MET: variants seen among roughly 807,000 people sequenced by gnomAD.
MET encodes MET proto-oncogene, receptor tyrosine kinase, also known as hepatocyte growth factor receptor.
MET carries 48 observed loss-of-function variants against 133.1 expected under a neutral mutation model. That is an observed-to-expected ratio of 0.36 (90% CI 0.29 to 0.46). The LOEUF (loss-of-function observed/expected upper bound fraction) is 0.46. MET is among the 20% of genes least tolerant of loss of function. The pLI, the probability that MET is intolerant of heterozygous loss-of-function variation, is 1.00. For synonymous variants in MET, 628 were observed against 616.5 expected, an observed-to-expected ratio of 1.02 and a Z score of -0.28; for missense variants, 1,442 against 1,695.9, an observed-to-expected ratio of 0.85 and a Z score of 2.63.
At chr7:116,793,209 C>G (rs1232245105) in intron 19 of MET, among the ~76,000 whole-genome samples, 1 of 150,234 alleles carries the variant, frequency 6.7e-6, no homozygotes, top group Non-Finnish European at 1.5e-5. Context: ...GAGTCTCACT[C>G]TATCGCCCAA....
chr7:116,693,404 G>A (rs1406889695), intron 1 of MET, among the ~76,000 whole-genome samples: 2 of 152,198 alleles, frequency 1.3e-5, no homozygotes. Flanking sequence ...GGGAAGAGAT[G>A]CACATAGTAG....
At position 116,796,008 on chromosome 7, in the gene MET, A is replaced by C. The variant is rs374383028; in HGVS notation, c.4057A>C (p.Asn1353His). The C allele has an allele frequency of 6.2e-7, 1 of 1,613,956 alleles. No individual in the cohort carries two copies. The highest frequency in any genetic ancestry group is 1.7e-5 in the Admixed American group (1 of 60,008). Reference sequence around the variant, plus strand: ...CATTGGGGAGCACTATGTCCATGTGAACGCTACTTATGTGAACGTAAAATG... The same window carrying C: ...CATTGGGGAGCACTATGTCCATGTGCACGCTACTTATGTGAACGTAAAATG... Reference protein sequence around the residue: ...TFIGEHYVHVNATYVNVKCVA... With the variant: ...TFIGEHYVHVHATYVNVKCVA... Residue 1353 changes from asparagine (N) to histidine (H), a missense_variant, in exon 21 of 21, where the codon AAC becomes CAC. Asn to His is a moderately conservative substitution (Grantham distance 68). Transcript: ENST00000397752.
rs181877385 is a variant in MET, at chr7:116,762,267, A to G, written c.2365-783A>G. ...TGGGAGTGAAGACACTGAATTTTGG[A>G]GTTAATGGCCTAGGATTTATATTCG... On this transcript the variant is annotated intron_variant, in intron 10 of 20. Coordinates refer to ENST00000397752, the MANE Select transcript of MET (RefSeq NM_000245.4). Among the ~76,000 whole-genome samples the G allele has an allele frequency of 3.3e-5, 5 of 152,322 alleles. No homozygotes were observed. The East Asian group carries it at 9.7e-4, about 29-fold the overall frequency.
intron 18 of MET, among the ~76,000 whole-genome samples, chr7:116,783,083 T>C (rs1419596550): frequency 1.3e-5 from 2 of 152,334 alleles, no homozygotes; most frequent in African/African-American, 2.4e-5. Context: ...CAATTCATGA[T>C]CTCTTTCCTC....
chr7:116,764,828 C>A (rs891473588), intron 11 of MET, among the ~76,000 whole-genome samples: 5 of 152,098 alleles, frequency 3.3e-5, no homozygotes, highest in African/African-American at 1.2e-4. Flanking sequence ...TGCCACGTGA[C>A]AGAATAGTAA....
Position 116,699,360 on chromosome 7 carries a change from C to A in MET, c.276C>A (p.His92Gln), listed in dbSNP as rs1224680436. The A allele has an allele frequency of 1.2e-6, 2 of 1,614,006 alleles. No individual in the cohort carries two copies. ...AEYKTGPVLE[H>Q]PDCFPCQDCS... ...ACAAGACTGGGCCTGTGCTGGAACA[C>A]CCAGATTGTTTCCCATGTCAGGACT... Residue 92 changes from histidine (H) to glutamine (Q), a missense_variant, in exon 2 of 21, where the codon CAC (histidine) becomes CAA (glutamine). Around this residue, in one of 6 missense-constraint regions of MET, gnomAD observed 762 missense variants for 792.4 expected, o/e 0.96. Coordinates refer to ENST00000397752, the MANE Select transcript of MET (RefSeq NM_000245.4).
intron 19 of MET, among the ~76,000 whole-genome samples, chr7:116,793,131 A>G (rs1193395384): frequency 2.0e-5 from 3 of 150,146 alleles, no homozygotes; most frequent in South Asian, 2.1e-4. Context: ...CCTGAGCACA[A>G]CTCAGAACTC....
At chr7:116,739,827 G>C in intron 3 of MET, 123 bp from the exon 4 acceptor site, 2 of 1,326,044 alleles carry the variant, frequency 1.5e-6, no homozygotes, top group Non-Finnish European at 2.2e-6. Flanking sequence ...GGAACTGTTG[G>C]GTCTTCAGTT....
intron 19 of MET, among the ~76,000 whole-genome samples, chr7:116,792,251 A>G (rs1795524578): frequency 6.6e-6 from 1 of 151,952 alleles, no homozygotes; most frequent in Non-Finnish European, 1.5e-5. Context: ...CATTTCTTTG[A>G]TCATCACCTT....
chr7:116,776,069 G>GT (rs943369262), intron 15 of MET, among the ~76,000 whole-genome samples: 117 of 146,930 alleles, frequency 8.0e-4, no homozygotes, highest in Middle Eastern at 3.5e-3. Flanking sequence ...TCTTCTTGTT[G>GT]TTTTTTTTTT....
chr7:116,740,726 C>A, intron 4 of MET, 126 bp from the exon 5 acceptor site: 2 of 1,161,346 alleles, frequency 1.7e-6, no homozygotes, highest in Non-Finnish European at 2.5e-6. Flanking sequence ...GATTTGCACA[C>A]ATAGTTGCTA....
chr7:116,754,917 A>AAGAAAGAAAG (rs1489753985), intron 5 of MET, among the ~76,000 whole-genome samples: 1 of 145,568 alleles, frequency 6.9e-6, no homozygotes, highest in Non-Finnish European at 1.5e-5. Flanking sequence ...GAAAGAAAGA[A>AAGAAAGAAAG]AGAAAGAAAG....
chr7:116,755,052 A>AGAAAGAAAGAAAAGAAAGAAC (rs1794126914), intron 5 of MET, among the ~76,000 whole-genome samples: 2 of 151,956 alleles, frequency 1.3e-5, no homozygotes, highest in South Asian at 2.1e-4. Flanking sequence ...AAAGAAAGAA[A>AGAAAGAAAGAAAAGAAAGAAC]GAACGGAAGG....
rs138237329 is a variant in MET, at chr7:116,680,951, G to T, written c.-15+8374G>T. On this transcript the variant is annotated intron_variant, in intron 1 of 20. Transcript: ENST00000397752. ...AGAGAGACCCTGTCTCAGAAAAAGT[G>T]GGGGAGGGAGGGTATGGAATAAAGT... Among the ~76,000 whole-genome samples the T allele has an allele frequency of 1.6e-3, 237 of 152,060 alleles. 1 individual carries two copies. Among genetic ancestry groups the T allele is most frequent in the Non-Finnish European group, 2.8e-3 (188 of 67,958 alleles).
intron 5 of MET, among the ~76,000 whole-genome samples, chr7:116,747,227 A>T (rs1179632454): frequency 6.6e-6 from 1 of 152,338 alleles, no homozygotes; most frequent in Admixed American, 6.5e-5. Context: ...AAGAAACTAC[A>T]TCAACCAATG....
chr7:116,725,465 C>CGT (rs149704455), intron 2 of MET, among the ~76,000 whole-genome samples: 2 of 144,916 alleles, frequency 1.4e-5, no homozygotes, highest in African/African-American at 5.1e-5. Flanking sequence ...TTATGATATA[C>CGT]ATATATATAT....
intron 1 of MET, among the ~76,000 whole-genome samples, chr7:116,686,911 G>A (rs1003118216): frequency 2.0e-5 from 3 of 152,156 alleles, no homozygotes; most frequent in African/African-American, 7.2e-5. Flanking sequence ...AACTTATCCT[G>A]CAAGACACAG....
Position 116,778,950 on chromosome 7 carries a change from A to G in MET, c.3515A>G (p.Glu1172Gly), listed in dbSNP as rs2117048357. The change falls in exon 17 of 21, where the codon GAG becomes GGG. Residue 1172 changes from glutamate to glycine, a missense_variant. Glu to Gly is a moderately conservative substitution (Grantham distance 98, BLOSUM62 -2). Transcript: ENST00000397752. ...GATCTTCGAAATTTCATTCGAAATGAGACTCATGTAAGTTGACTGCCAAGC... is the reference window on the plus strand; with the variant it reads ...GATCTTCGAAATTTCATTCGAAATGGGACTCATGTAAGTTGACTGCCAAGC... ...HGDLRNFIRN[E>G]THNPTVKDLI... 1 of 1,613,752 alleles carries G rather than the reference A, an allele frequency of 6.2e-7. No individual in the cohort carries two copies. Among genetic ancestry groups the G allele is most frequent in the Non-Finnish European group, 8.5e-7 (1 of 1,179,900 alleles).
At chr7:116,787,790 T>C (rs889784391) in intron 19 of MET, among the ~76,000 whole-genome samples, 1 of 152,194 alleles carries the variant, frequency 6.6e-6, no homozygotes, top group Admixed American at 6.5e-5. Flanking sequence ...AAGATTTGAA[T>C]AGACATTTTA....
Sources: allele counts gnomAD v4.1 joint callset (sites outside exome capture counted in the v4.1 genomes callset), GRCh38; gene constraint gnomAD v4.1.1; regional missense constraint gnomAD v4.1.1; transcripts MANE v1.5; gene names NCBI Gene and HGNC (gene_info 2026-07-23, HGNC 2026-07-21).